NKAIN2: variants seen among roughly 807,000 people sequenced by gnomAD.
NKAIN2 encodes the protein sodium/potassium transporting ATPase interacting 2.
NKAIN2 carries 14 observed loss-of-function variants against 32.6 expected under a neutral mutation model. The observed-to-expected ratio is 0.43, with a 90% CI of 0.28 to 0.67. The LOEUF (loss-of-function observed/expected upper bound fraction) is 0.67. Ranked by LOEUF, NKAIN2 falls within the 30% of genes least tolerant of loss-of-function variation. The pLI, the probability that NKAIN2 is intolerant of heterozygous loss-of-function variation, is 0.17. For synonymous variants in NKAIN2, 80 were observed against 87.2 expected, an observed-to-expected ratio of 0.92 and a Z score of 0.46; for missense variants, 198 against 258.3, an observed-to-expected ratio of 0.77 and a Z score of 1.60.
chr6:123,837,988 G>A (rs948591153), intron 1 of NKAIN2, among the ~76,000 whole-genome samples: 1 of 152,250 alleles, frequency 6.6e-6, no homozygotes. Flanking sequence ...CAAGTATAAA[G>A]TATACCTTGG....
intron 4 of NKAIN2, among the ~76,000 whole-genome samples, chr6:124,703,184 T>C (rs1356234594): frequency 6.6e-6 from 1 of 151,996 alleles, no homozygotes; most frequent in Non-Finnish European, 1.5e-5. Context: ...AACAAACCAA[T>C]GATCCTTCAA....
At position 124,812,049 on chromosome 6, in the gene NKAIN2, G is replaced by A. The variant is rs147124689; in HGVS notation, c.536-6338G>A. On this transcript the variant is annotated intron_variant, in intron 5 of 6. Coordinates refer to ENST00000368417, the MANE Select transcript of NKAIN2 (RefSeq NM_001040214.3). ...GTTATTCCTACAATTATCAAGATTG[G>A]TAACACTCGATAGCATTCATCAATG... 1.4e-4 allele frequency among the ~76,000 whole-genome samples: 22 copies of A among 152,202 alleles called. 1 individual carries two copies. In the East Asian group the frequency reaches 4.3e-3, roughly 29 times the overall value.
chr6:123,962,154 A>T (rs1013996198), intron 1 of NKAIN2, among the ~76,000 whole-genome samples: 3 of 152,240 alleles, frequency 2.0e-5, no homozygotes, highest in Non-Finnish European at 4.4e-5. Flanking sequence ...AACCTATAAC[A>T]GTATTATACC....
At chr6:123,841,107 A>G (rs557947647) in intron 1 of NKAIN2, among the ~76,000 whole-genome samples, 1 of 152,206 alleles carries the variant, frequency 6.6e-6, no homozygotes, top group Non-Finnish European at 1.5e-5. Context: ...CTATACCTGC[A>G]CTAAGCAAAT....
At chr6:124,446,517 A>G (rs574117670) in intron 3 of NKAIN2, among the ~76,000 whole-genome samples, 21 of 151,826 alleles carry the variant, frequency 1.4e-4, no homozygotes, top group African/African-American at 4.8e-4. Context: ...TAATTTTTGT[A>G]TTTTTGATAG....
chr6:124,289,734 T>C (rs1246872930), intron 2 of NKAIN2, among the ~76,000 whole-genome samples: 1 of 152,212 alleles, frequency 6.6e-6, no homozygotes, highest in Non-Finnish European at 1.5e-5. Flanking sequence ...CCAGGTCATA[T>C]GTTTTTCTAA....
intron 3 of NKAIN2, among the ~76,000 whole-genome samples, chr6:124,492,144 T>C (rs1777888634): frequency 6.6e-6 from 1 of 152,034 alleles, no homozygotes; most frequent in African/African-American, 2.4e-5. Flanking sequence ...GAATATTTTA[T>C]TATATTTTCT....
chr6:124,301,464 A>C (rs886157208), intron 2 of NKAIN2, among the ~76,000 whole-genome samples: 5 of 152,028 alleles, frequency 3.3e-5, no homozygotes, highest in African/African-American at 1.2e-4. Context: ...TGGAGCTGTG[A>C]GAAGAAGGCC....
intron 4 of NKAIN2, among the ~76,000 whole-genome samples, chr6:124,711,066 A>G (rs1775425296): frequency 6.9e-6 from 1 of 145,010 alleles, no homozygotes; most frequent in Non-Finnish European, 1.5e-5. Flanking sequence ...TCTGTAAAGT[A>G]TTTTATTTCT....
In NKAIN2 at chr6:123,847,349, A is replaced by AC. The variant is rs201232357; in HGVS notation, c.54+43095_54+43096insC. Among the ~76,000 whole-genome samples the AC allele has an allele frequency of 9.3e-3, 1,423 of 152,318 alleles. 26 individuals carry two copies. Among genetic ancestry groups the AC allele is most frequent in the African/African-American group, 0.033 (1,357 of 41,564 alleles). The stretch of plus-strand genomic sequence containing the variant: ...AAATCTTTCAGCCAAACAGAAAAAA[A>AC]AGTAACATATACAAATAATTGTATT... On this transcript the variant is annotated intron_variant, in intron 1 of 6. Transcript: ENST00000368417.
chr6:124,597,925 T>G (rs1782153981), intron 3 of NKAIN2, among the ~76,000 whole-genome samples: 1 of 152,186 alleles, frequency 6.6e-6, no homozygotes, highest in Non-Finnish European at 1.5e-5. Context: ...TGCCTGACAT[T>G]CAATAAAGCA....
chr6:124,534,766 A>G (rs1019207310), intron 3 of NKAIN2, among the ~76,000 whole-genome samples: 1 of 152,028 alleles, frequency 6.6e-6, no homozygotes, highest in Non-Finnish European at 1.5e-5. Context: ...CTCTTTTCCA[A>G]CCCACATTAA....
intron 1 of NKAIN2, among the ~76,000 whole-genome samples, chr6:124,190,016 G>A (rs1329289239): frequency 1.3e-5 from 2 of 152,234 alleles, no homozygotes; most frequent in Non-Finnish European, 2.9e-5. Context: ...AATGTGAAGT[G>A]TTTTAACTAT....
chr6:124,263,021 T>C (rs572110590), intron 1 of NKAIN2, among the ~76,000 whole-genome samples: 1 of 152,174 alleles, frequency 6.6e-6, no homozygotes, highest in Non-Finnish European at 1.5e-5. Flanking sequence ...TCATGACAAA[T>C]AGTAACCATT....
intron 1 of NKAIN2, among the ~76,000 whole-genome samples, chr6:124,223,212 CAAAAAAAAAAAAAA>C (rs369262954): frequency 1.5e-5 from 1 of 68,220 alleles, no homozygotes; most frequent in African/African-American, 5.9e-5. Flanking sequence ...GACTCCATCT[CAAAAAAAAAAAAAA>C]AAAAAAAAAA....
intron 4 of NKAIN2, among the ~76,000 whole-genome samples, chr6:124,729,234 A>C (rs573597432): frequency 1.5e-4 from 22 of 150,816 alleles, no homozygotes; most frequent in African/African-American, 4.8e-4. Flanking sequence ...CTGATACCAA[A>C]GCCAGGCAGA....
intron 4 of NKAIN2, among the ~76,000 whole-genome samples, chr6:124,661,567 A>G (rs1784745949): frequency 6.6e-6 from 1 of 152,220 alleles, no homozygotes; most frequent in African/African-American, 2.4e-5. Context: ...ATCTACAGCC[A>G]AAGGAAGACA....
At chr6:124,263,389 C>T (rs573102709) in intron 1 of NKAIN2, among the ~76,000 whole-genome samples, 19 of 152,162 alleles carry the variant, frequency 1.2e-4, no homozygotes, top group Admixed American at 8.5e-4. Context: ...CCGTAGAAAA[C>T]GAGGTTTGAG....
At chr6:123,843,392 C>T (rs1231050685) in intron 1 of NKAIN2, among the ~76,000 whole-genome samples, 1 of 152,092 alleles carries the variant, frequency 6.6e-6, no homozygotes, top group African/African-American at 2.4e-5. Flanking sequence ...CCATAGTCCC[C>T]AATGTTCAGC....
Sources: gnomAD v4.1 joint callset for allele counts (sites outside exome capture counted in the v4.1 genomes callset) on GRCh38, gnomAD v4.1.1 for gene constraint, MANE v1.5 for transcripts, NCBI Gene and HGNC (gene_info 2026-07-23, HGNC 2026-07-21) for gene names.